Variants in KCNH5 observed in about 807,000 individuals in gnomAD.
The protein encoded by KCNH5 is potassium voltage-gated channel subfamily H member 5.
A neutral mutation model predicts 96.1 loss-of-function variants in KCNH5; 46 were observed. The observed-to-expected ratio is 0.48, with a 90% confidence interval of 0.38 to 0.61. The LOEUF (loss-of-function observed/expected upper bound fraction) is 0.61, where lower values mean the gene tolerates loss of function less well. KCNH5 is among the 20% of genes least tolerant of loss of function. The pLI is 0.00. For missense variants in KCNH5, 907 were observed against 1,225.8 expected (o/e 0.74, Z 3.88); for synonymous variants, 439 against 449.8 (o/e 0.98, Z 0.30).
chr14:62,743,168 C>T (rs560562635), intron 10 of KCNH5, among the ~76,000 whole-genome samples: 1 of 152,206 alleles, frequency 6.6e-6, no homozygotes, highest in African/African-American at 2.4e-5. Flanking sequence ...ATGTATAAAG[C>T]GATGGTTTTC....
chr14:62,849,904 T>C (rs764088554), intron 7 of KCNH5, 52 bp from the exon 8 acceptor site: 2 of 1,377,410 alleles, frequency 1.5e-6, no homozygotes, highest in South Asian at 2.4e-5. Flanking sequence ...GTGAAAAAAA[T>C]ACAAATATTT....
chr14:62,909,782 CCT>C (rs2140099702), intron 7 of KCNH5, among the ~76,000 whole-genome samples: 1 of 152,216 alleles, frequency 6.6e-6, no homozygotes, highest in Non-Finnish European at 1.5e-5. Context: ...TGATGCCATA[CCT>C]CTGCTTAGAA....
chr14:62,957,734 C>T (rs772606188), intron 6 of KCNH5, among the ~76,000 whole-genome samples: 12 of 152,210 alleles, frequency 7.9e-5, no homozygotes, highest in Admixed American at 4.6e-4. Context: ...ACAAGACTCA[C>T]TAGGCTTTGG....
intron 1 of KCNH5, among the ~76,000 whole-genome samples, chr14:63,039,860 C>A (rs893591613): frequency 6.6e-6 from 1 of 151,866 alleles, no homozygotes; most frequent in Non-Finnish European, 1.5e-5. Flanking sequence ...TACATTGACT[C>A]CCTCCCAGTC....
intron 8 of KCNH5, among the ~76,000 whole-genome samples, chr14:62,837,101 T>C (rs574504366): frequency 4.6e-5 from 7 of 152,244 alleles, no homozygotes; most frequent in African/African-American, 2.4e-5. Flanking sequence ...ATGGGCACAG[T>C]CCCTAAATGT....
intron 8 of KCNH5, among the ~76,000 whole-genome samples, chr14:62,838,291 C>T (rs1156462322): frequency 1.3e-5 from 2 of 152,136 alleles, no homozygotes; most frequent in Non-Finnish European, 2.9e-5. Flanking sequence ...GTATTTTATT[C>T]ATCATATTCC....
At chr14:63,031,662 A>T (rs1390760074) in intron 1 of KCNH5, among the ~76,000 whole-genome samples, 1 of 152,192 alleles carries the variant, frequency 6.6e-6, no homozygotes, top group African/African-American at 2.4e-5. Flanking sequence ...AAGTCTAGGG[A>T]TCTAATGCAC....
chr14:62,902,846 A>T (rs1312368257), intron 7 of KCNH5, among the ~76,000 whole-genome samples: 1 of 151,654 alleles, frequency 6.6e-6, no homozygotes, highest in East Asian at 1.9e-4. Context: ...CAGCCTCCCG[A>T]GTAGCTGGGA....
intron 5 of KCNH5, among the ~76,000 whole-genome samples, chr14:62,983,796 AT>A (rs1021633947): frequency 6.6e-6 from 1 of 152,176 alleles, no homozygotes; most frequent in African/African-American, 2.4e-5. Flanking sequence ...GAGAATCTAT[AT>A]TTTCAAAACC....
At chr14:62,711,276 T>G (rs963505830) in intron 10 of KCNH5, among the ~76,000 whole-genome samples, 9 of 151,956 alleles carry the variant, frequency 5.9e-5, no homozygotes, top group African/African-American at 2.2e-4. Flanking sequence ...TGCTACTATT[T>G]AGCTAGAAAC....
rs116823377 is a variant in KCNH5, at chr14:62,773,122, G to A, written c.2019+6606C>T. Among the ~76,000 whole-genome samples, 789 of 152,220 alleles carry A rather than the reference G, an allele frequency of 5.2e-3. 4 individuals are homozygous for A. The highest frequency in any genetic ancestry group is 0.018 in the African/African-American group (760 of 41,522). ...TCTTCTTCGAAATGCTTTTATTCTA[G>A]GTTAAATAGTAGAAACACTGCCAGC... On this transcript the variant is annotated intron_variant, in intron 10 of 10. Transcript: ENST00000322893.
At chr14:63,002,176 C>T (rs1409247755) in intron 3 of KCNH5, among the ~76,000 whole-genome samples, 1 of 152,138 alleles carries the variant, frequency 6.6e-6, no homozygotes, top group Non-Finnish European at 1.5e-5. Context: ...ACCTCCCTCA[C>T]TTAAACAGCA....
intron 10 of KCNH5, among the ~76,000 whole-genome samples, chr14:62,740,835 C>T (rs1885256941): frequency 6.6e-6 from 1 of 152,114 alleles, no homozygotes; most frequent in Non-Finnish European, 1.5e-5. Flanking sequence ...CTCCCTGTCT[C>T]TTTAGAGCAA....
At chr14:62,987,016 G>A (rs1489116723) in intron 5 of KCNH5, 56 bp downstream of exon 5, 8 of 1,114,674 alleles carry the variant, frequency 7.2e-6, no homozygotes, top group African/African-American at 1.5e-5. Context: ...TCATTTTAGG[G>A]AAGAAAAATG....
At chr14:62,890,865 T>G (rs1468596124) in intron 7 of KCNH5, among the ~76,000 whole-genome samples, 1 of 148,736 alleles carries the variant, frequency 6.7e-6, no homozygotes, top group Non-Finnish European at 1.5e-5. Context: ...TAGCTATTAT[T>G]AAAAAGTCAG....
chr14:62,721,599 G>A (rs567698947), intron 10 of KCNH5, among the ~76,000 whole-genome samples: 2 of 151,616 alleles, frequency 1.3e-5, no homozygotes, highest in African/African-American at 4.8e-5. Flanking sequence ...TCTCATCTTT[G>A]CCCCCAAACT....
chr14:63,015,571 C>G (rs1255019185), intron 2 of KCNH5, among the ~76,000 whole-genome samples: 1 of 151,664 alleles, frequency 6.6e-6, no homozygotes, highest in Non-Finnish European at 1.5e-5. Context: ...GGTAGGTGAT[C>G]AAAAAATATT....
In KCNH5 at chr14:63,003,622, A is replaced by ATTT. The variant is rs1378476183; in HGVS notation, c.305-2164_305-2163insAAA. Among the ~76,000 whole-genome samples, 3 of 111,380 alleles carry ATTT rather than the reference A, an allele frequency of 2.7e-5. 1 individual carries two copies. The highest frequency in any genetic ancestry group is 7.8e-5 in the African/African-American group (2 of 25,790). The allele number at this position is 111,380 out of a possible 152,430, so 73.1% of individuals were successfully genotyped here. A position where few individuals can be genotyped will look rare whatever the true frequency, so the allele number is the denominator to read the frequency against. On this transcript the variant is annotated intron_variant, in intron 3 of 10. Transcript: ENST00000322893. ...TATATTTATATTTATATATATATAT[A>ATTT]TATTTTTTTTTTTTTGAGACGGAGT...
At chr14:62,994,043 T>C (rs981138776) in intron 4 of KCNH5, among the ~76,000 whole-genome samples, 3 of 152,050 alleles carry the variant, frequency 2.0e-5, no homozygotes, top group Admixed American at 1.3e-4. Flanking sequence ...GACTGCCTAA[T>C]CTTAAAAATA....
Sources: allele counts gnomAD v4.1 joint callset (sites outside exome capture counted in the v4.1 genomes callset), GRCh38; gene constraint gnomAD v4.1.1; transcripts MANE v1.5; gene names NCBI Gene and HGNC (gene_info 2026-07-23, HGNC 2026-07-21).